The following UXS1 variants were observed in gnomAD, a reference collection of about 807,000 sequenced individuals.
The protein encoded by UXS1 is UDP-glucuronic acid decarboxylase 1.
UXS1 carries 33 observed loss-of-function variants against 62.6 expected under a neutral mutation model. The ratio of observed to expected loss-of-function variants is 0.53; its 90% CI spans 0.40 to 0.70. UXS1 has a LOEUF of 0.70. Ranked by LOEUF, UXS1 falls within the 30% of genes least tolerant of loss-of-function variation. The probability of loss-of-function intolerance (pLI) is 0.00; values close to 1 mark genes in which losing one functional copy is unlikely to be tolerated. For missense variants in UXS1, 434 were observed against 556.3 expected, an observed-to-expected ratio of 0.78 and a Z score of 2.21; for synonymous variants, 213 against 206.8, an observed-to-expected ratio of 1.03 and a Z score of -0.26.
chr2:106,177,195 TTTTTC>T (rs1419704007), intron 1 of UXS1, among the ~76,000 whole-genome samples: 1 of 13,572 alleles, frequency 7.4e-5, no homozygotes, highest in East Asian at 2.4e-3. Flanking sequence ...TTTTTTTTCT[TTTTTC>T]TTTTTTTTTT....
At chr2:106,157,924 TA>T in intron 5 of UXS1, 133 bp downstream of exon 5, 1 of 774,532 alleles carries the variant, frequency 1.3e-6, no homozygotes, top group Non-Finnish European at 2.1e-6. Context: ...AATGCGGTGC[TA>T]ACTCTGTGGA....
chr2:106,166,169 T>C (rs909268402), intron 1 of UXS1, 86 bp from the exon 2 acceptor site: 24 of 1,329,974 alleles, frequency 1.8e-5, no homozygotes, highest in Non-Finnish European at 2.4e-5. Flanking sequence ...TTTTAACCAA[T>C]ATTTTAAATT....
At chr2:106,112,548 T>C (rs1418004373) in intron 10 of UXS1, 98 bp downstream of exon 10, 3 of 1,509,900 alleles carry the variant, frequency 2.0e-6, no homozygotes, top group Non-Finnish European at 2.7e-6. Flanking sequence ...GCTTCAGAAG[T>C]GTCACTCCCT....
chr2:106,130,203 C>G (rs1397487480), intron 6 of UXS1, among the ~76,000 whole-genome samples: 2 of 151,894 alleles, frequency 1.3e-5, no homozygotes, highest in Non-Finnish European at 2.9e-5. Context: ...AGTAGCCTCT[C>G]GTTTGTTTTT....
intron 6 of UXS1, chr2:106,138,609 T>C: frequency 1.0e-6 from 1 of 985,506 alleles, no homozygotes; most frequent in Non-Finnish European, 1.2e-6. Flanking sequence ...AGAGAAGAGA[T>C]GAGCGTAAAC....
intron 9 of UXS1, among the ~76,000 whole-genome samples, chr2:106,114,069 C>T (rs981225500): frequency 6.6e-6 from 1 of 152,204 alleles, no homozygotes; most frequent in Admixed American, 6.5e-5. Flanking sequence ...AGTTAAAGGG[C>T]ATGAACCACG....
chr2:106,184,296 G>C (rs186520936), intron 1 of UXS1, among the ~76,000 whole-genome samples: 41 of 152,322 alleles, frequency 2.7e-4, no homozygotes, highest in Non-Finnish European at 4.9e-4. Context: ...ATATTTGTAA[G>C]ACAAAAAGCA....
chr2:106,109,232 TAA>T (rs541243244), intron 10 of UXS1, among the ~76,000 whole-genome samples: 43 of 152,298 alleles, frequency 2.8e-4, no homozygotes, highest in Non-Finnish European at 4.7e-4. Flanking sequence ...TGGTCCTGAA[TAA>T]AGTCTTCCTC....
chr2:106,136,965 CAA>C, intron 6 of UXS1, among the ~76,000 whole-genome samples: 1 of 54,176 alleles, frequency 1.8e-5, no homozygotes, highest in Non-Finnish European at 3.5e-5. Flanking sequence ...AGAACACACA[CAA>C]AAAAAAAAAA....
intron 1 of UXS1, among the ~76,000 whole-genome samples, chr2:106,168,136 G>A (rs536652307): frequency 6.6e-6 from 1 of 152,218 alleles, no homozygotes; most frequent in South Asian, 2.1e-4. Context: ...ACTCCAGCCT[G>A]GGCAACAAGA....
In UXS1 at chr2:106,100,095, T is replaced by C. The variant is rs190822238; in HGVS notation, c.984+963A>G. On this transcript the variant is annotated intron_variant, in intron 12 of 14. Coordinates refer to ENST00000283148, the MANE Select transcript of UXS1 (RefSeq NM_001253875.2). Reference sequence around the variant, plus strand: ...TTGTGTAGGAACCAGGAGAGGTAATTTGGGAGAAGCACCTGAAATGACCCC... The same window carrying C: ...TTGTGTAGGAACCAGGAGAGGTAATCTGGGAGAAGCACCTGAAATGACCCC... 2.6e-4 allele frequency among the ~76,000 whole-genome samples: 39 copies of C among 152,232 alleles called. No individual in the cohort carries two copies. The East Asian group carries it at 7.2e-3, about 28-fold the overall frequency.
intron 1 of UXS1, among the ~76,000 whole-genome samples, chr2:106,169,003 T>G (rs748490685): frequency 6.6e-6 from 1 of 152,176 alleles, no homozygotes; most frequent in Non-Finnish European, 1.5e-5. Flanking sequence ...TAGTTACTTT[T>G]AAAAAAGGAG....
At position 106,152,724 on chromosome 2, in the gene UXS1, T is replaced by C. The variant is rs1321084240; in HGVS notation, c.291+5334A>G. Reference sequence around the variant, plus strand: ...AATGTGCTGGGTGTGGCCAAGAAAATGAGAACCCCACTCAAAAGATATGGT... The same window carrying C: ...AATGTGCTGGGTGTGGCCAAGAAAACGAGAACCCCACTCAAAAGATATGGT... On this transcript the variant is annotated intron_variant, in intron 5 of 14. Coordinates refer to ENST00000283148, the MANE Select transcript of UXS1 (RefSeq NM_001253875.2). 3.3e-5 allele frequency among the ~76,000 whole-genome samples: 5 copies of C among 151,976 alleles called. No individual in the cohort carries two copies. The East Asian group carries it at 9.7e-4, about 29-fold the overall frequency.
intron 11 of UXS1, chr2:106,101,352 G>A (rs1009535422): frequency 1.6e-5 from 8 of 506,506 alleles, no homozygotes; most frequent in African/African-American, 1.6e-4. Context: ...TTTTGGGTGT[G>A]GTGGAGATAG....
chr2:106,122,934 A>T (rs766807110), intron 9 of UXS1, 36 bp downstream of exon 9: 2 of 1,610,276 alleles, frequency 1.2e-6, no homozygotes, highest in Non-Finnish European at 1.7e-6. Context: ...GGTGCTCAGC[A>T]CGCCTAAACC....
chr2:106,140,332 G>A (rs1333845897), intron 6 of UXS1, among the ~76,000 whole-genome samples: 3 of 152,086 alleles, frequency 2.0e-5, no homozygotes, highest in Non-Finnish European at 4.4e-5. Context: ...TTAAACAGAG[G>A]GCGATCTCTA....
chr2:106,097,656 G>A (rs1677230501), intron 13 of UXS1: 1 of 210,810 alleles, frequency 4.7e-6, no homozygotes, highest in African/African-American at 2.2e-5. Flanking sequence ...GGGGGCCTGG[G>A]CTAGGGCATG....
chr2:106,111,251 T>C (rs140411611), intron 10 of UXS1, among the ~76,000 whole-genome samples: 6 of 152,140 alleles, frequency 3.9e-5, no homozygotes, highest in Admixed American at 2.6e-4. Context: ...TGCTGGTGGA[T>C]CTGTGCAGTG....
intron 5 of UXS1, among the ~76,000 whole-genome samples, chr2:106,155,212 C>T (rs908129605): frequency 2.6e-5 from 4 of 152,088 alleles, no homozygotes; most frequent in Admixed American, 2.6e-4. Context: ...AACAAACATC[C>T]GAACTCTATC....
Sources: allele counts gnomAD v4.1 joint callset (sites outside exome capture counted in the v4.1 genomes callset), GRCh38; gene constraint gnomAD v4.1.1; transcripts MANE v1.5; gene names NCBI Gene and HGNC (gene_info 2026-07-23, HGNC 2026-07-21).